GPSM1: variants seen among roughly 807,000 people sequenced by gnomAD.
The protein encoded by GPSM1 is G protein signaling modulator 1.
A neutral mutation model predicts 70.5 loss-of-function variants in GPSM1; 48 were observed. The ratio of observed to expected loss-of-function variants is 0.68; its 90% CI spans 0.54 to 0.87. The LOEUF (loss-of-function observed/expected upper bound fraction) is 0.87. Among genes scored for constraint, GPSM1 ranks in the 40% least tolerant of loss-of-function variants. The pLI is 0.00. For missense variants in GPSM1, 981 were observed against 972.6 expected, an observed-to-expected ratio of 1.01 and a Z score of -0.11; for synonymous variants, 416 against 430.1, an observed-to-expected ratio of 0.97 and a Z score of 0.41.
chr9:136,345,187 G>A (rs1323703315), intron 9 of GPSM1, among the ~76,000 whole-genome samples: 1 of 152,206 alleles, frequency 6.6e-6, no homozygotes, highest in African/African-American at 2.4e-5. Context: ...CAAGATGCTC[G>A]ATGGGCTTGA....
chr9:136,358,217 C>G lies in GPSM1; in HGVS notation c.2025C>G (p.Ser675Arg). 1 of 1,545,584 alleles carries G rather than the reference C, an allele frequency of 6.5e-7. No individual in the cohort carries two copies. ...AGCAGCAGTGCCAGCCTGGTGCGAG[C>G]TAAGGCCCTGTGCCCACCGCCAGGC... ...EPQQQCQPGA[S>R] Residue 675 changes from serine (S) to arginine (R), a missense_variant, in exon 14 of 14, where the codon AGC (serine) becomes AGG (arginine). By Grantham distance (110) the Ser-to-Arg change is moderately radical. Transcript: ENST00000440944.
chr9:136,352,757 C>T (rs1462519804), intron 11 of GPSM1, among the ~76,000 whole-genome samples: 1 of 152,252 alleles, frequency 6.6e-6, no homozygotes, highest in African/African-American at 2.4e-5. Context: ...TGGAGGGAGG[C>T]CCAGGGGCCC....
In GPSM1 at chr9:136,341,403, G is replaced by GC. The variant is rs1832388768; in HGVS notation, c.1207+413dup. 1 of 1,421,522 alleles carries GC rather than the reference G, an allele frequency of 7.0e-7. No homozygotes were observed. The highest frequency in any genetic ancestry group is 1.4e-5 in the African/African-American group (1 of 69,164). The allele number at this position is 1,421,522 out of a possible 1,614,324, so 88.1% of individuals were successfully genotyped here. ...GGCTGGGCTGGGCTGGGCTGTGGGA[G>GC]CCCTATGTGCCTGGGGCAGTAATCA... On this transcript the variant is annotated intron_variant, in intron 9 of 13. Transcript: ENST00000440944. The surrounding 1 kb of genome is among the most constrained non-coding windows in gnomAD (Gnocchi z 6.7).
chr9:136,357,458 C>T lies in GPSM1; in HGVS notation c.1822-556C>T, dbSNP rs368641685. On this transcript the variant is annotated intron_variant, in intron 13 of 13. Coordinates refer to ENST00000440944, the MANE Select transcript of GPSM1 (RefSeq NM_001145638.3). ...CAGCTCCCGTCCCTCCTGCTCCAGG[C>T]GCTTCAGAGAAGCCCAGACAACCCC... Among the ~76,000 whole-genome samples, 7 of 152,252 alleles carry T rather than the reference C, an allele frequency of 4.6e-5. No homozygotes were observed. In the East Asian group the frequency reaches 5.8e-4, roughly 13 times the overall value.
Position 136,358,233 on chromosome 9 carries a change from A to G in GPSM1, c.*13A>G, listed in dbSNP as rs1409456546. 2.0e-6 allele frequency: 3 copies of G among 1,534,184 alleles called. No individual in the cohort carries two copies. Among genetic ancestry groups the G allele is most frequent in the Non-Finnish European group, 2.6e-6 (3 of 1,144,820 alleles). Reference sequence around the variant, plus strand: ...TGGTGCGAGCTAAGGCCCTGTGCCCACCGCCAGGCCCACCCTGCCCCCACT... The same window carrying G: ...TGGTGCGAGCTAAGGCCCTGTGCCCGCCGCCAGGCCCACCCTGCCCCCACT... On this transcript the variant is annotated 3_prime_UTR_variant, in exon 14 of 14. Transcript: ENST00000440944.
intron 13 of GPSM1, among the ~76,000 whole-genome samples, chr9:136,357,711 C>G (rs1832872180): frequency 6.6e-6 from 1 of 152,232 alleles, no homozygotes; most frequent in Non-Finnish European, 1.5e-5. Flanking sequence ...CAACGCCGCC[C>G]TAGCCACTGT....
Position 136,340,809 on chromosome 9 carries a change from T to G in GPSM1, c.1084-61T>G. On this transcript the variant is annotated intron_variant, in intron 8 of 13. Coordinates refer to ENST00000440944, the MANE Select transcript of GPSM1 (RefSeq NM_001145638.3). This position sits in a 1 kb window ranked among gnomAD's most constrained non-coding sequence, Gnocchi z 7.3. ...TGTACTGGGGGCCATTAAGGTCCCC[T>G]TGGAGCCCACAGCAGGGCCCCCAGC... 8.6e-6 allele frequency: 13 copies of G among 1,509,242 alleles called. No individual in the cohort carries two copies. The highest frequency in any genetic ancestry group is 1.1e-5 in the Non-Finnish European group (13 of 1,133,250). 93.5% of individuals were successfully genotyped at this position (1,509,242 alleles called of 1,614,324 possible).
Position 136,327,792 on chromosome 9 carries a change from C to CTGGGG in GPSM1, c.68+29_68+30insTGGGG, listed in dbSNP as rs1554768088. The CTGGGG allele has an allele frequency of 8.7e-5, 90 of 1,037,366 alleles. 1 individual carries two copies. The highest frequency in any genetic ancestry group is 3.7e-4 in the Middle Eastern group (1 of 2,690). The allele number at this position is 1,037,366 out of a possible 1,614,324, so 64.3% of individuals were successfully genotyped here. Reference sequence around the variant, plus strand: ...GGACGGGCCGGGGCCGGGGCCGGGGCCGGGGCTGGGACCGGACCGGGCCGG... The same window carrying CTGGGG: ...GGACGGGCCGGGGCCGGGGCCGGGGCTGGGGCGGGGCTGGGACCGGACCGGGCCGG... On this transcript the variant is annotated intron_variant, in intron 1 of 13. Transcript: ENST00000440944.
intron 1 of GPSM1, 54 bp downstream of exon 1, chr9:136,327,817 G>C (rs1488882862): frequency 1.4e-6 from 1 of 719,634 alleles, no homozygotes; most frequent in East Asian, 4.2e-5. Flanking sequence ...GACCGGGCCG[G>C]GTCGGGACGC....
intron 11 of GPSM1, chr9:136,353,216 T>G: frequency 1.1e-5 from 6 of 547,488 alleles, no homozygotes; most frequent in Non-Finnish European, 1.4e-5. Flanking sequence ...CGGGCCTCTG[T>G]GAAGCCGGGT....
At chr9:136,345,717 G>T (rs782457781) in intron 9 of GPSM1, among the ~76,000 whole-genome samples, 8 of 152,200 alleles carry the variant, frequency 5.3e-5, no homozygotes, top group Non-Finnish European at 1.0e-4. Flanking sequence ...AGACGGAGCG[G>T]GGCTCTCGCT....
At chr9:136,349,277 C>T (rs146918423) in intron 10 of GPSM1, among the ~76,000 whole-genome samples, 83 of 152,386 alleles carry the variant, frequency 5.4e-4, no homozygotes, top group African/African-American at 1.7e-3. Context: ...CTGGTGTGGC[C>T]TGTGTTCAGT....
At chr9:136,354,614 CAA>C (rs1319614772) in intron 11 of GPSM1, among the ~76,000 whole-genome samples, 1 of 152,218 alleles carries the variant, frequency 6.6e-6, no homozygotes, top group African/African-American at 2.4e-5. Context: ...GGAACCATCA[CAA>C]ACACCCTTCA....
chr9:136,335,875 C>G (rs1298940370), intron 2 of GPSM1, 91 bp from the exon 3 acceptor site: 2 of 1,321,238 alleles, frequency 1.5e-6, no homozygotes, highest in Non-Finnish European at 2.1e-6. Flanking sequence ...GTCCCTGAGG[C>G]CCAGCTACCC....
intron 11 of GPSM1, among the ~76,000 whole-genome samples, chr9:136,354,198 C>T (rs1346470237): frequency 6.6e-6 from 1 of 152,198 alleles, no homozygotes. Context: ...ACAGGGCCCT[C>T]GGCTCAGCTC....
At chr9:136,352,109 CAAT>C (rs1832680894) in intron 11 of GPSM1, among the ~76,000 whole-genome samples, 1 of 149,912 alleles carries the variant, frequency 6.7e-6, no homozygotes, top group African/African-American at 2.5e-5. Context: ...TTGGTGACAC[CAAT>C]GCTGCGCCGT....
rs139501733 is a variant in GPSM1, at chr9:136,358,151, C to G, written c.1959C>G (p.Ala653=). Reference sequence around the variant, plus strand: ...TGGACGAGCAGCGGGTGGACCTCGCCGGGGGCCCGGAGCAGGGGGCAGGCG... The same window carrying G: ...TGGACGAGCAGCGGGTGGACCTCGCGGGGGGCCCGGAGCAGGGGGCAGGCG... The part of the protein sequence containing the change: ...KRMDEQRVDL[A]GGPEQGAGGP... Residue 653 remains alanine, a synonymous_variant, in exon 14 of 14, where the codon GCC becomes GCG. Coordinates refer to ENST00000440944, the MANE Select transcript of GPSM1 (RefSeq NM_001145638.3). The G allele has an allele frequency of 1.2e-6, 2 of 1,601,808 alleles. No individual in the cohort carries two copies. Among genetic ancestry groups the G allele is most frequent in the Admixed American group, 1.7e-5 (1 of 58,670 alleles).
At chr9:136,354,792 C>CA in intron 11 of GPSM1, 1 of 983,658 alleles carries the variant, frequency 1.0e-6, no homozygotes, top group Non-Finnish European at 1.2e-6. Context: ...ATTCACACAG[C>CA]AGACACCGGT....
At chr9:136,337,307 G>A (rs758773026) in intron 4 of GPSM1, 134 bp from the exon 5 acceptor site, 2 of 1,380,504 alleles carry the variant, frequency 1.4e-6, no homozygotes, top group Non-Finnish European at 1.9e-6. Context: ...GAGGACCCTG[G>A]AGCCTACCCT....
Sources: allele counts gnomAD v4.1 joint callset (sites outside exome capture counted in the v4.1 genomes callset), GRCh38; gene constraint gnomAD v4.1.1; non-coding constraint Gnocchi (gnomAD v3.1); transcripts MANE v1.5; gene names NCBI Gene and HGNC (gene_info 2026-07-23, HGNC 2026-07-21).